RGS8: variants seen among roughly 807,000 people sequenced by gnomAD.
RGS8 encodes the protein regulator of G-protein signaling 8.
In RGS8, 8 loss-of-function variants were observed where a neutral mutation model predicts 21.7. The observed-to-expected ratio is 0.37, with a 90% CI of 0.22 to 0.66. The LOEUF (loss-of-function observed/expected upper bound fraction) is 0.66. Among genes scored for constraint, RGS8 ranks in the 30% least tolerant of loss-of-function variants. The pLI is 0.59. For synonymous variants in RGS8, 80 were observed against 83.6 expected (o/e 0.96, Z 0.24); for missense variants, 157 against 217.9 (o/e 0.72, Z 1.76).
the RGS8 span, among the ~76,000 whole-genome samples, chr1:182,735,420 GCT>G: frequency 6.6e-6 from 1 of 152,174 alleles, no homozygotes; most frequent in Non-Finnish European, 1.5e-5. Flanking sequence ...GTGGTAGAAT[GCT>G]CTGTCCAACA....
downstream of RGS8, chr1:182,643,312 C>T (rs185709034): frequency 9.4e-5 from 10 of 106,126 alleles, no homozygotes; most frequent in African/African-American, 3.9e-4. Context: ...CTGTGTCTCC[C>T]CCCTCCCCCA....
At chr1:182,748,212 C>T in the RGS8 span, among the ~76,000 whole-genome samples, 1 of 152,140 alleles carries the variant, frequency 6.6e-6, no homozygotes, top group Non-Finnish European at 1.5e-5. Flanking sequence ...GAAATTTATT[C>T]CTCTTGTCTA....
the RGS8 span, among the ~76,000 whole-genome samples, chr1:182,724,201 GATATATATAT>G: frequency 7.5e-3 from 314 of 42,106 alleles, 2 homozygotes; most frequent in Non-Finnish European, 0.011. Context: ...GGCTAGACTG[GATATATATAT>G]ATATATATAT....
chr1:182,713,597 C>T, the RGS8 span, among the ~76,000 whole-genome samples: 1 of 152,168 alleles, frequency 6.6e-6, no homozygotes, highest in Non-Finnish European at 1.5e-5. Flanking sequence ...GAGGTCCTTC[C>T]TGATGACACA....
At chr1:182,664,999 A>G (rs1663784430) in intron 5 of RGS8, among the ~76,000 whole-genome samples, 1 of 152,230 alleles carries the variant, frequency 6.6e-6, no homozygotes. Context: ...GTCAAAATCA[A>G]GAACGCAGGT....
At chr1:182,659,949 A>G (rs898782276) in intron 5 of RGS8, among the ~76,000 whole-genome samples, 3 of 152,174 alleles carry the variant, frequency 2.0e-5, no homozygotes, top group Non-Finnish European at 2.9e-5. Context: ...GGGGACAAGT[A>G]TTATGGGATT....
At chr1:182,751,785 T>C in the RGS8 span, among the ~76,000 whole-genome samples, 2 of 152,186 alleles carry the variant, frequency 1.3e-5, no homozygotes, top group African/African-American at 4.8e-5. Context: ...CAAGAATACA[T>C]ACTTGCAGAT....
the RGS8 span, among the ~76,000 whole-genome samples, chr1:182,698,652 A>G: frequency 6.6e-6 from 1 of 152,094 alleles, no homozygotes; most frequent in Non-Finnish European, 1.5e-5. Flanking sequence ...CCTTTCCCCA[A>G]GATGTTTGCT....
intron 5 of RGS8, among the ~76,000 whole-genome samples, chr1:182,662,958 G>A (rs558559484): frequency 6.6e-6 from 1 of 152,062 alleles, no homozygotes; most frequent in Non-Finnish European, 1.5e-5. Flanking sequence ...AATGGGGAGG[G>A]GGGGAAATAA....
the RGS8 span, among the ~76,000 whole-genome samples, chr1:182,701,998 T>C: frequency 3.8e-4 from 58 of 152,282 alleles, no homozygotes; most frequent in Admixed American, 2.5e-3. Flanking sequence ...GAATGTAAAT[T>C]AGTTCAGCCA....
upstream of RGS8, chr1:182,672,304 T>C (rs1414400606): frequency 5.6e-6 from 1 of 177,314 alleles, no homozygotes; most frequent in Non-Finnish European, 1.2e-5. Flanking sequence ...TCAAATCTCC[T>C]AATGAGCCAG....
the RGS8 span, among the ~76,000 whole-genome samples, chr1:182,689,722 A>G: frequency 1.1e-4 from 16 of 152,216 alleles, no homozygotes; most frequent in Non-Finnish European, 1.8e-4. Flanking sequence ...GGTCAAAGGA[A>G]CAAAGAAAGC....
At chr1:182,721,184 AC>A in the RGS8 span, among the ~76,000 whole-genome samples, 192 of 151,302 alleles carry the variant, frequency 1.3e-3, 1 homozygote, top group African/African-American at 4.2e-3. Context: ...ACATGACAGA[AC>A]CCCCAATTTA....
At chr1:182,648,675 C>T (rs930802441) in intron 5 of RGS8, among the ~76,000 whole-genome samples, 6 of 152,072 alleles carry the variant, frequency 3.9e-5, no homozygotes, top group Admixed American at 3.3e-4. Flanking sequence ...GCAGAGGTTG[C>T]AGTGAGCTGA....
chr1:182,733,378 C>G, the RGS8 span, among the ~76,000 whole-genome samples: 4 of 152,140 alleles, frequency 2.6e-5, no homozygotes, highest in Admixed American at 6.6e-5. Context: ...TTTTAAGTAT[C>G]CATCTGCTAT....
At chr1:182,741,709 G>A in the RGS8 span, among the ~76,000 whole-genome samples, 1 of 108,748 alleles carries the variant, frequency 9.2e-6, no homozygotes. Flanking sequence ...GCCGGGCAGA[G>A]GCGCCCCTCA....
At chr1:182,749,987 G>A in the RGS8 span, among the ~76,000 whole-genome samples, 320 of 152,210 alleles carry the variant, frequency 2.1e-3, 1 homozygote, top group African/African-American at 6.6e-3. Flanking sequence ...TAAAAATGGG[G>A]CTTTTAATAC....
At chr1:182,741,529 C>T in the RGS8 span, among the ~76,000 whole-genome samples, 3 of 127,682 alleles carry the variant, frequency 2.3e-5, no homozygotes, top group East Asian at 2.5e-4. Flanking sequence ...CCGGACGGGG[C>T]GGCTGGCCGG....
At chr1:182,661,172 G>T (rs1412343474) in intron 5 of RGS8, among the ~76,000 whole-genome samples, 4 of 151,356 alleles carry the variant, frequency 2.6e-5, no homozygotes, top group Non-Finnish European at 4.4e-5. Context: ...TCTCAAAAGG[G>T]GCTAATTTTT....
Sources: gnomAD v4.1 joint callset for allele counts (sites outside exome capture counted in the v4.1 genomes callset) on GRCh38, gnomAD v4.1.1 for gene constraint, MANE v1.5 for transcripts, NCBI Gene and HGNC (gene_info 2026-07-23, HGNC 2026-07-21) for gene names.